Variants in NOTCH2 observed in about 807,000 individuals in gnomAD.
NOTCH2 encodes neurogenic locus notch homolog protein 2.
In NOTCH2, 29 loss-of-function variants were observed where a neutral mutation model predicts 235.8. The ratio of observed to expected loss-of-function variants is 0.12; its 90% CI spans 0.09 to 0.17. NOTCH2 has a LOEUF of 0.17. Ranked by LOEUF, NOTCH2 falls within the 10% of genes least tolerant of loss-of-function variation. The probability of loss-of-function intolerance (pLI) is 1.00; values close to 1 mark genes in which losing one functional copy is unlikely to be tolerated. For missense variants in NOTCH2, 2,285 were observed against 3,150.2 expected, an observed-to-expected ratio of 0.73 and a Z score of 6.57; for synonymous variants, 1,086 against 1,141.5, an observed-to-expected ratio of 0.95 and a Z score of 0.98.
intron 11 of NOTCH2, among the ~76,000 whole-genome samples, chr1:119,961,369 C>G (rs1422240013): frequency 6.6e-6 from 1 of 152,220 alleles, no homozygotes; most frequent in East Asian, 1.9e-4. Flanking sequence ...GGCAGCACCC[C>G]CTCCCAATGA....
chr1:120,011,692 T>C (rs1420760297), intron 2 of NOTCH2, among the ~76,000 whole-genome samples: 5 of 152,088 alleles, frequency 3.3e-5, no homozygotes, highest in African/African-American at 9.7e-5. Context: ...CCATTTTATA[T>C]ATGAGGAACT....
At chr1:120,032,247 T>C (rs1654121744) in intron 1 of NOTCH2, among the ~76,000 whole-genome samples, 1 of 139,062 alleles carries the variant, frequency 7.2e-6, no homozygotes. Flanking sequence ...TAAATGTCCC[T>C]GAAGGTTCCC....
rs856657 is a variant in NOTCH2 at position 119,913,295 on chromosome 1, C to A, written c.*2011G>T. The A allele has an allele frequency of 5.9e-3, 1,377 of 233,230 alleles. 16 individuals are homozygous for A. The highest frequency in any genetic ancestry group is 0.027 in the African/African-American group (1,240 of 45,436). The allele number at this position is 233,230 out of a possible 1,614,324, so 14.4% of individuals were successfully genotyped here. On this transcript the variant is annotated 3_prime_UTR_variant, in exon 34 of 34. Coordinates refer to ENST00000256646, the MANE Select transcript of NOTCH2 (RefSeq NM_024408.4). ...GTTGGTTCAATAAATTTGGATAGGA[C>A]TGAAAAAACCATTTGTAAACTATTA...
Position 119,915,070 on chromosome 1 carries a change from A to G in NOTCH2, c.*236T>C, listed in dbSNP as rs1251267970. ...AAACATGGACCCAAGGCTTGTATTCATCTTGCATTTCCACAAACTTGTCTT... is the reference window on the plus strand; with the variant it reads ...AAACATGGACCCAAGGCTTGTATTCGTCTTGCATTTCCACAAACTTGTCTT... On this transcript the variant is annotated 3_prime_UTR_variant, in exon 34 of 34. Transcript: ENST00000256646. 3 of 567,502 alleles carry G rather than the reference A, an allele frequency of 5.3e-6. No individual in the cohort carries two copies. The highest frequency in any genetic ancestry group is 4.7e-4 in the Middle Eastern group (1 of 2,112). The allele number at this position is 567,502 out of a possible 1,614,324, so 35.2% of individuals were successfully genotyped here. A position where few individuals can be genotyped will look rare whatever the true frequency, so the allele number is the denominator to read the frequency against.
At chr1:120,035,453 A>C (rs1654273773) in intron 1 of NOTCH2, among the ~76,000 whole-genome samples, 1 of 152,036 alleles carries the variant, frequency 6.6e-6, no homozygotes, top group Non-Finnish European at 1.5e-5. Context: ...ACTCCCCACC[A>C]CTTCCACTGC....
Position 119,922,392 on chromosome 1 carries a change from A to C in NOTCH2, c.5057T>G (p.Val1686Gly), listed in dbSNP as rs2101154745. ...TQLLYLLAVA[V>G]VIILFIILLG... ...CAGAATAATAAACAGAATGATGACA[A>C]CAGCAACAGCAAGGAGATAGAGGAG... The change falls in exon 28 of 34, where the codon GTT becomes GGT. Residue 1686 changes from valine to glycine, a missense_variant. This residue lies in a region of NOTCH2 where 1,173 missense variants were observed against 1,515.3 expected (regional missense o/e 0.77). Coordinates refer to ENST00000256646, the MANE Select transcript of NOTCH2 (RefSeq NM_024408.4). 1.2e-6 allele frequency: 2 copies of C among 1,614,146 alleles called. No homozygotes were observed. The highest frequency in any genetic ancestry group is 2.2e-5 in the South Asian group (2 of 91,068).
chr1:119,968,470 G>C (rs1553199983), intron 6 of NOTCH2, among the ~76,000 whole-genome samples: 1 of 152,130 alleles, frequency 6.6e-6, no homozygotes, highest in Non-Finnish European at 1.5e-5. Context: ...CTCTCCTCCA[G>C]GACAGAGACA....
intron 2 of NOTCH2, among the ~76,000 whole-genome samples, chr1:120,014,308 T>G (rs779288055): frequency 9.2e-5 from 14 of 152,184 alleles, no homozygotes; most frequent in Non-Finnish European, 4.4e-5. Flanking sequence ...CTCACACCTG[T>G]AATCCCAGCA....
chr1:119,916,306 A>T lies in NOTCH2; in HGVS notation c.6416T>A (p.Val2139Asp), dbSNP rs2101144236. The stretch of plus-strand genomic sequence containing the variant: ...AGTTACTGAACTCTCAGACAGTTGG[A>T]CCTTCTCACTCAGAGACTTCTTCCT... ...SRRKKSLSEK[V>D]QLSESSVTLS... Residue 2139 changes from valine to aspartate, a missense_variant, in exon 34 of 34, where the codon GTC becomes GAC. Physicochemically the swap from Val to Asp is radical, Grantham distance 152 (BLOSUM62 -3). This residue lies in a region of NOTCH2 where 504 missense variants were observed against 538.0 expected (regional missense o/e 0.94). Transcript: ENST00000256646. 1 of 1,614,146 alleles carries T rather than the reference A, an allele frequency of 6.2e-7. No individual in the cohort carries two copies. Among genetic ancestry groups the T allele is most frequent in the East Asian group, 2.2e-5 (1 of 44,872 alleles).
chr1:119,966,413 C>T lies in NOTCH2; in HGVS notation c.1530G>A (p.Val510=). The change falls in exon 9 of 34, where the codon GTG becomes GTA. Residue 510 remains valine, a synonymous_variant. Coordinates refer to ENST00000256646, the MANE Select transcript of NOTCH2 (RefSeq NM_024408.4). ...SNPCVNNGQC[V]DKVNRFQCLC... ...GGCACTGGAAACGATTGACTTTATCCACACACTGCCCATTGTTCACACAAG... is the reference window on the plus strand; with the variant it reads ...GGCACTGGAAACGATTGACTTTATCTACACACTGCCCATTGTTCACACAAG... 6.2e-7 allele frequency: 1 copy of T among 1,613,978 alleles called. No individual in the cohort carries two copies. Among genetic ancestry groups the T allele is most frequent in the Non-Finnish European group, 8.5e-7 (1 of 1,179,864 alleles).
At chr1:119,995,710 T>C (rs587752129) in intron 4 of NOTCH2, 48 of 152,344 alleles carry the variant, frequency 3.2e-4, no homozygotes, top group African/African-American at 1.1e-3. Context: ...TATAATTAAA[T>C]AGCTTGTTCT....
At chr1:119,987,670 T>C (rs1652071789) in intron 4 of NOTCH2, among the ~76,000 whole-genome samples, 1 of 152,092 alleles carries the variant, frequency 6.6e-6, no homozygotes, top group South Asian at 2.1e-4. Context: ...TCCTCACCTG[T>C]AAAAAATGAG....
At position 119,912,847 on chromosome 1, in the gene NOTCH2, T is replaced by G. The variant is rs1022753413; in HGVS notation, c.*2459A>C. 4 of 233,616 alleles carry G rather than the reference T, an allele frequency of 1.7e-5. No homozygotes were observed. Among genetic ancestry groups the G allele is most frequent in the Non-Finnish European group, 3.4e-5 (4 of 117,984 alleles). The allele number at this position is 233,616 out of a possible 1,614,324, so 14.5% of individuals were successfully genotyped here. On this transcript the variant is annotated 3_prime_UTR_variant, in exon 34 of 34. Coordinates refer to ENST00000256646, the MANE Select transcript of NOTCH2 (RefSeq NM_024408.4). ...AAAAGTTTGAAAGGCAGTGTTGTCC[T>G]CCTCATCACTGAAACCTGTTGTCTG... is the stretch of plus-strand genomic sequence containing the variant.
intron 5 of NOTCH2, among the ~76,000 whole-genome samples, chr1:119,980,518 T>C (rs1242583929): frequency 6.6e-6 from 1 of 152,152 alleles, no homozygotes; most frequent in Non-Finnish European, 1.5e-5. Context: ...GCCCCTTCCT[T>C]CTCCCCAAAG....
chr1:120,023,443 A>C (rs1182339013), intron 2 of NOTCH2, among the ~76,000 whole-genome samples: 1 of 144,356 alleles, frequency 6.9e-6, no homozygotes, highest in East Asian at 2.0e-4. Context: ...TCTCAAAAAA[A>C]AACAACAACA....
Position 119,922,275 on chromosome 1 carries a change from T to G in NOTCH2, c.5174A>C (p.Lys1725Thr), listed in dbSNP as rs748310274. The G allele has an allele frequency of 6.2e-7, 1 of 1,614,140 alleles. No individual in the cohort carries two copies. Among genetic ancestry groups the G allele is most frequent in the Admixed American group, 1.7e-5 (1 of 60,018 alleles). The change falls in exon 28 of 34, where the codon AAG becomes ACG. Residue 1725 changes from lysine to threonine, a missense_variant. By Grantham distance (78) the Lys-to-Thr change is moderately conservative. This residue lies in a region of NOTCH2 where 1,173 missense variants were observed against 1,515.3 expected (regional missense o/e 0.77). Coordinates refer to ENST00000256646, the MANE Select transcript of NOTCH2 (RefSeq NM_024408.4). Reference sequence around the variant, plus strand: ...ATCCTGTCCCACTGGCTCACGACGCTTGTGATTGCTTGCATCTCGGCGAAG... The same window carrying G: ...ATCCTGTCCCACTGGCTCACGACGCGTGTGATTGCTTGCATCTCGGCGAAG... ...FTLRRDASNH[K>T]RREPVGQDAV...
intron 33 of NOTCH2, among the ~76,000 whole-genome samples, chr1:119,917,022 A>G (rs1649105018): frequency 6.6e-6 from 1 of 152,252 alleles, no homozygotes; most frequent in Non-Finnish European, 1.5e-5. Context: ...GCTTATCAAA[A>G]TAAGGTTAAG....
rs1277175554 is a variant in NOTCH2, at chr1:119,967,686, G to A, written c.1265-65C>T. ...TGAGTTTCCACAAATGTGAACAATA[G>A]AAGAGCATCTGATGGTTATAGCATC... On this transcript the variant is annotated intron_variant, in intron 7 of 33. Transcript: ENST00000256646. The A allele has an allele frequency of 9.4e-6, 13 of 1,388,010 alleles. No homozygotes were observed. The East Asian group carries it at 2.5e-4, about 27-fold the overall frequency. The allele number at this position is 1,388,010 out of a possible 1,614,324, so 86.0% of individuals were successfully genotyped here. A position where few individuals can be genotyped will look rare whatever the true frequency, so the allele number is the denominator to read the frequency against.
chr1:119,948,643 A>G, intron 16 of NOTCH2, 77 bp from the exon 17 acceptor site: 1 of 1,532,140 alleles, frequency 6.5e-7, no homozygotes, highest in Non-Finnish European at 9.0e-7. Flanking sequence ...ACCTGAGCTT[A>G]GTTGGGGTGC....
Sources: allele counts gnomAD v4.1 joint callset (sites outside exome capture counted in the v4.1 genomes callset), GRCh38; gene constraint gnomAD v4.1.1; regional missense constraint gnomAD v4.1.1; transcripts MANE v1.5; gene names NCBI Gene and HGNC (gene_info 2026-07-23, HGNC 2026-07-21).